SRGAP1: variants seen among roughly 807,000 people sequenced by gnomAD.
SRGAP1 encodes the protein SLIT-ROBO Rho GTPase activating protein 1.
SRGAP1 carries 43 observed loss-of-function variants against 121.9 expected under a neutral mutation model. The observed-to-expected ratio is 0.35, with a 90% CI of 0.28 to 0.46. SRGAP1 has a LOEUF of 0.46. Among genes scored for constraint, SRGAP1 ranks in the 20% least tolerant of loss-of-function variants. The pLI is 1.00. For synonymous variants in SRGAP1, 447 were observed against 485.4 expected (o/e 0.92, Z 1.04); for missense variants, 1,102 against 1,350.9 (o/e 0.82, Z 2.89).
chr12:64,071,983 G>A (rs1014406956), intron 8 of SRGAP1, among the ~76,000 whole-genome samples: 3 of 151,858 alleles, frequency 2.0e-5, no homozygotes, highest in Non-Finnish European at 4.4e-5. Flanking sequence ...CCCATGTTAG[G>A]GTACAAGGAG....
intron 1 of SRGAP1, among the ~76,000 whole-genome samples, chr12:63,859,413 C>T (rs141371535): frequency 2.0e-5 from 3 of 152,196 alleles, no homozygotes; most frequent in Admixed American, 6.5e-5. Context: ...ATGATACACT[C>T]GCCTCAGCCT....
At chr12:63,907,155 T>C (rs1312354072) in intron 1 of SRGAP1, among the ~76,000 whole-genome samples, 1 of 152,196 alleles carries the variant, frequency 6.6e-6, no homozygotes, top group Non-Finnish European at 1.5e-5. Context: ...ACTTCCCTGA[T>C]GGTTAAGGAT....
chr12:63,953,965 AT>A (rs1364217428), intron 1 of SRGAP1, among the ~76,000 whole-genome samples: 4 of 152,180 alleles, frequency 2.6e-5, no homozygotes, highest in African/African-American at 9.7e-5. Context: ...TTCACCGTCA[AT>A]CTTTTTTTGT....
intron 1 of SRGAP1, among the ~76,000 whole-genome samples, chr12:63,919,525 C>T (rs540090642): frequency 0.058 from 7,539 of 129,540 alleles, 760 homozygotes; most frequent in African/African-American, 0.21. Context: ...TATATATACA[C>T]ATACACACAC....
chr12:64,026,152 G>A (rs59161915), intron 4 of SRGAP1, among the ~76,000 whole-genome samples: 6,330 of 151,942 alleles, frequency 0.042, 448 homozygotes, highest in African/African-American at 0.15. Flanking sequence ...AATGTGTTAG[G>A]AAGTATAGTT....
intron 1 of SRGAP1, among the ~76,000 whole-genome samples, chr12:63,850,198 A>G (rs1450045576): frequency 1.3e-5 from 2 of 152,192 alleles, no homozygotes; most frequent in African/African-American, 2.4e-5. Context: ...CAGTGCCCTG[A>G]AAACCCGGTT....
chr12:63,953,391 C>A (rs1404620236), intron 1 of SRGAP1, among the ~76,000 whole-genome samples: 1 of 139,778 alleles, frequency 7.2e-6, no homozygotes, highest in Non-Finnish European at 1.5e-5. Flanking sequence ...ATGTAAGTTT[C>A]TTGATTGATT....
At chr12:64,079,560 A>G (rs186532846) in intron 9 of SRGAP1, among the ~76,000 whole-genome samples, 26 of 151,662 alleles carry the variant, frequency 1.7e-4, no homozygotes, top group Admixed American at 3.9e-4. Context: ...ATGATGTGCA[A>G]TTGTAGTCCT....
At chr12:63,910,022 G>A (rs886655356) in intron 1 of SRGAP1, among the ~76,000 whole-genome samples, 1 of 152,176 alleles carries the variant, frequency 6.6e-6, no homozygotes, top group African/African-American at 2.4e-5. Context: ...CTAAATTAGT[G>A]TCTGATTAAA....
At chr12:64,046,060 A>G (rs1296533203) in intron 6 of SRGAP1, among the ~76,000 whole-genome samples, 1 of 152,174 alleles carries the variant, frequency 6.6e-6, no homozygotes, top group Non-Finnish European at 1.5e-5. Flanking sequence ...GTGAGCTGCA[A>G]TGCCATGCAG....
chr12:64,130,514 GT>G (rs1261408053), intron 21 of SRGAP1, among the ~76,000 whole-genome samples: 1 of 152,174 alleles, frequency 6.6e-6, no homozygotes, highest in Non-Finnish European at 1.5e-5. Context: ...ACTGCACCAT[GT>G]ATTGGACACA....
chr12:63,889,535 A>G lies in SRGAP1; in HGVS notation c.67+44652A>G, dbSNP rs573072924. 7.9e-5 allele frequency among the ~76,000 whole-genome samples: 12 copies of G among 152,328 alleles called. No homozygotes were observed. The South Asian group carries it at 2.3e-3, about 29-fold the overall frequency. Reference sequence around the variant, plus strand: ...AAAATGGGAGTCCATAGACTTTTCTACAATGCCGTGTGGAAACAGTGGAAT... The same window carrying G: ...AAAATGGGAGTCCATAGACTTTTCTGCAATGCCGTGTGGAAACAGTGGAAT... On this transcript the variant is annotated intron_variant, in intron 1 of 21. Coordinates refer to ENST00000355086, the MANE Select transcript of SRGAP1 (RefSeq NM_020762.4).
At position 64,041,875 on chromosome 12, in the gene SRGAP1, ATATTATTATTATTATTAT is replaced by A. The variant is rs10689107; in HGVS notation, c.490-892_490-875del. 2.2e-3 allele frequency among the ~76,000 whole-genome samples: 306 copies of A among 138,612 alleles called. 1 individual carries two copies. Among genetic ancestry groups the A allele is most frequent in the African/African-American group, 7.1e-3 (263 of 37,274 alleles). 90.9% of individuals were successfully genotyped at this position (138,612 alleles called of 152,430 possible). Reference sequence around the variant, plus strand: ...CTTTTTATTTTCTTTATTTTCTTTTATATTATTATTATTATTATTATTATTATTATTATTATTATTTGA... The same window carrying A: ...CTTTTTATTTTCTTTATTTTCTTTTATATTATTATTATTATTATTATTTGA... On this transcript the variant is annotated intron_variant, in intron 4 of 21. Transcript: ENST00000355086.
At chr12:64,130,418 G>C (rs1320599999) in intron 21 of SRGAP1, among the ~76,000 whole-genome samples, 1 of 152,272 alleles carries the variant, frequency 6.6e-6, no homozygotes, top group East Asian at 1.9e-4. Flanking sequence ...AATGTTGCTA[G>C]GGGGTCACTA....
intron 4 of SRGAP1, among the ~76,000 whole-genome samples, chr12:64,040,891 A>AGG (rs2035003894): frequency 1.3e-5 from 2 of 152,194 alleles, no homozygotes; most frequent in African/African-American, 4.8e-5. Flanking sequence ...ATATTCTCTA[A>AGG]TGCTGCAATT....
At chr12:63,855,021 T>C (rs1899191253) in intron 1 of SRGAP1, among the ~76,000 whole-genome samples, 1 of 152,154 alleles carries the variant, frequency 6.6e-6, no homozygotes, top group Non-Finnish European at 1.5e-5. Flanking sequence ...GCTAAGCTGT[T>C]ATAATAAAGA....
chr12:64,006,427 G>A (rs1234784711), intron 3 of SRGAP1, among the ~76,000 whole-genome samples: 3 of 152,166 alleles, frequency 2.0e-5, no homozygotes, highest in Non-Finnish European at 4.4e-5. Context: ...GCGTGATGAA[G>A]GATAAACAGT....
intron 1 of SRGAP1, among the ~76,000 whole-genome samples, chr12:63,894,851 T>C (rs1429061939): frequency 6.6e-6 from 1 of 152,208 alleles, no homozygotes; most frequent in East Asian, 1.9e-4. Flanking sequence ...TGTGCCACAT[T>C]TTCTTAATCC....
intron 6 of SRGAP1, 129 bp downstream of exon 6, chr12:64,043,704 C>A: frequency 1.5e-6 from 1 of 678,808 alleles, no homozygotes; most frequent in Non-Finnish European, 2.3e-6. Context: ...GAAAAAAATA[C>A]TTTTATTTAA....
Sources: allele counts gnomAD v4.1 joint callset (sites outside exome capture counted in the v4.1 genomes callset), GRCh38; gene constraint gnomAD v4.1.1; transcripts MANE v1.5; gene names NCBI Gene and HGNC (gene_info 2026-07-23, HGNC 2026-07-21).